INPP4A: variants seen among roughly 807,000 people sequenced by gnomAD.
INPP4A encodes the protein inositol polyphosphate-4-phosphatase type I A.
Under a neutral mutation model 119.8 loss-of-function variants are expected in INPP4A, and 33 were observed. The ratio of observed to expected loss-of-function variants is 0.28; its 90% CI spans 0.21 to 0.37. The LOEUF (loss-of-function observed/expected upper bound fraction) is 0.37. Ranked by LOEUF, INPP4A falls within the 10% of genes least tolerant of loss-of-function variation. The pLI is 1.00. For missense variants in INPP4A, 956 were observed against 1,289.9 expected, an observed-to-expected ratio of 0.74 and a Z score of 3.97; for synonymous variants, 496 against 500.7, an observed-to-expected ratio of 0.99 and a Z score of 0.12.
intron 24 of INPP4A, among the ~76,000 whole-genome samples, chr2:98,580,848 C>T (rs535720976): frequency 1.3e-5 from 2 of 152,352 alleles, no homozygotes; most frequent in African/African-American, 4.8e-5. Flanking sequence ...ACCATCTCAC[C>T]TCAGTGCAGT....
At chr2:98,476,121 G>A (rs1365396704) in intron 1 of INPP4A, among the ~76,000 whole-genome samples, 1 of 152,160 alleles carries the variant, frequency 6.6e-6, no homozygotes, top group Non-Finnish European at 1.5e-5. Context: ...AAAACTTTTT[G>A]AAGAATTTAA....
chr2:98,446,481 C>T (rs1245055247), intron 1 of INPP4A, among the ~76,000 whole-genome samples: 1 of 151,706 alleles, frequency 6.6e-6, no homozygotes, highest in African/African-American at 2.4e-5. Context: ...CCAGGGGTGG[C>T]GTTGCATGTG....
At chr2:98,464,892 C>G (rs1558882455) in intron 1 of INPP4A, among the ~76,000 whole-genome samples, 1 of 152,216 alleles carries the variant, frequency 6.6e-6, no homozygotes, top group African/African-American at 2.4e-5. Context: ...TGAGACGATA[C>G]ACACGAAGGA....
chr2:98,590,093 A>G lies in INPP4A; in HGVS notation c.*2485A>G, dbSNP rs575442921. The G allele has an allele frequency of 7.7e-4, 149 of 193,670 alleles. No individual in the cohort carries two copies. The highest frequency in any genetic ancestry group is 1.3e-3 in the Non-Finnish European group (119 of 92,892). 12.0% of individuals were successfully genotyped at this position (193,670 alleles called of 1,614,324 possible). A position where few individuals can be genotyped will look rare whatever the true frequency, so the allele number is the denominator to read the frequency against. On this transcript the variant is annotated 3_prime_UTR_variant, in exon 25 of 25. Coordinates refer to ENST00000409851, the MANE Select transcript of INPP4A (RefSeq NM_001134225.2). ...ATATATTCTTAGGTCATTCAAAGCC[A>G]TGTATGCTGTAAATGTGCTAGTCTT...
chr2:98,564,459 G>C (rs1209807144), intron 18 of INPP4A, among the ~76,000 whole-genome samples, 181 bp from the exon 19 acceptor site: 1 of 152,224 alleles, frequency 6.6e-6, no homozygotes, highest in Non-Finnish European at 1.5e-5. Context: ...GCCCACTGTT[G>C]GGCGTCTTCC....
intron 17 of INPP4A, among the ~76,000 whole-genome samples, chr2:98,560,697 G>A (rs1203429181): frequency 6.6e-6 from 1 of 152,176 alleles, no homozygotes; most frequent in African/African-American, 2.4e-5. Context: ...TGACCTCCAC[G>A]GCAGGCCAGT....
intron 4 of INPP4A, among the ~76,000 whole-genome samples, chr2:98,528,843 C>A (rs1029580833): frequency 1.3e-5 from 2 of 151,928 alleles, no homozygotes. Flanking sequence ...TTTGGGAGGC[C>A]GAGGCAGGCA....
intron 4 of INPP4A, among the ~76,000 whole-genome samples, chr2:98,522,931 A>G (rs1228670546): frequency 6.6e-6 from 1 of 152,238 alleles, no homozygotes; most frequent in East Asian, 1.9e-4. Context: ...GAGTGTAGGA[A>G]GAAACTTGTT....
rs2106212535 is a variant in INPP4A, at chr2:98,554,106, C to A, written c.1348-165C>A. ...AGTGGGCCACATGGCAGTCTTTGTA[C>A]TCAGACATCTTGAGGGATGTAGCCC... On this transcript the variant is annotated intron_variant, in intron 14 of 24. Coordinates refer to ENST00000409851, the MANE Select transcript of INPP4A (RefSeq NM_001134225.2). The surrounding 1 kb of genome is among the most constrained non-coding windows in gnomAD (Gnocchi z 4.7). Among the ~76,000 whole-genome samples, 1 of 152,360 alleles carries A rather than the reference C, an allele frequency of 6.6e-6. No homozygotes were observed. The highest frequency in any genetic ancestry group is 3.4e-3 in the Middle Eastern group (1 of 294).
At chr2:98,503,199 G>A (rs1683448493) in intron 1 of INPP4A, among the ~76,000 whole-genome samples, 1 of 152,196 alleles carries the variant, frequency 6.6e-6, no homozygotes, top group African/African-American at 2.4e-5. Flanking sequence ...TTTGCCCCAA[G>A]TGAGAAAGAG....
intron 1 of INPP4A, among the ~76,000 whole-genome samples, chr2:98,445,293 C>G (rs966310841): frequency 6.6e-6 from 1 of 152,138 alleles, no homozygotes; most frequent in Non-Finnish European, 1.5e-5. Flanking sequence ...CGGCCGACCC[C>G]CAGCCCCGTG....
intron 4 of INPP4A, among the ~76,000 whole-genome samples, chr2:98,526,731 C>T (rs563192497): frequency 1.6e-4 from 24 of 152,300 alleles, no homozygotes; most frequent in African/African-American, 5.3e-4. Flanking sequence ...TTAATTGGCT[C>T]ATGGTTCTGC....
At chr2:98,480,647 G>A (rs1309098740) in intron 1 of INPP4A, among the ~76,000 whole-genome samples, 1 of 152,200 alleles carries the variant, frequency 6.6e-6, no homozygotes, top group Non-Finnish European at 1.5e-5. Flanking sequence ...CACTGAAGGA[G>A]TAAATGACTG....
intron 1 of INPP4A, among the ~76,000 whole-genome samples, chr2:98,515,093 T>G (rs1238835249): frequency 1.3e-5 from 2 of 152,198 alleles, no homozygotes; most frequent in East Asian, 3.9e-4. Flanking sequence ...TGGAGGTTCA[T>G]CCGCATCCTT....
chr2:98,508,286 A>G (rs1246775851), intron 1 of INPP4A, among the ~76,000 whole-genome samples: 1 of 152,162 alleles, frequency 6.6e-6, no homozygotes, highest in Admixed American at 6.5e-5. Flanking sequence ...GGGAAGAGAA[A>G]TCACCATCTT....
At chr2:98,583,374 C>T (rs992934981) in intron 24 of INPP4A, among the ~76,000 whole-genome samples, 1 of 152,038 alleles carries the variant, frequency 6.6e-6, no homozygotes, top group East Asian at 1.9e-4. Context: ...GTGGATGGAG[C>T]TGAGAGAGCA....
intron 4 of INPP4A, among the ~76,000 whole-genome samples, chr2:98,527,205 G>C (rs1036220046): frequency 6.6e-6 from 1 of 152,182 alleles, no homozygotes; most frequent in Non-Finnish European, 1.5e-5. Context: ...AGTCCCTGAA[G>C]GGGACAGAAT....
chr2:98,463,043 T>C (rs1396032357), intron 1 of INPP4A, among the ~76,000 whole-genome samples: 1 of 152,140 alleles, frequency 6.6e-6, no homozygotes, highest in Non-Finnish European at 1.5e-5. Context: ...GGTTTCACCA[T>C]GTCGGCCAGG....
intron 1 of INPP4A, among the ~76,000 whole-genome samples, chr2:98,498,322 T>G (rs1682448112): frequency 1.3e-5 from 2 of 152,040 alleles, no homozygotes; most frequent in Non-Finnish European, 1.5e-5. Flanking sequence ...GAAGGGAAAC[T>G]CATTTCACTT....
Sources: allele counts gnomAD v4.1 joint callset (sites outside exome capture counted in the v4.1 genomes callset), GRCh38; gene constraint gnomAD v4.1.1; non-coding constraint Gnocchi (gnomAD v3.1); transcripts MANE v1.5; gene names NCBI Gene and HGNC (gene_info 2026-07-23, HGNC 2026-07-21).